The following RBFOX1 variants were observed in gnomAD, a reference collection of about 807,000 sequenced individuals.
RBFOX1 encodes RNA binding fox-1 homolog 1.
In RBFOX1, 8 loss-of-function variants were observed where a neutral mutation model predicts 57.7. The observed-to-expected ratio is 0.14, with a 90% CI of 0.08 to 0.25. RBFOX1 has a LOEUF of 0.25. RBFOX1 is among the 10% of genes least tolerant of loss of function. The pLI is 1.00. For missense variants in RBFOX1, 611 were observed against 548.5 expected (o/e 1.11, Z -1.14); for synonymous variants, 326 against 222.4 (o/e 1.47, Z -4.15).
chr16:6,543,397 C>T (rs990096753), intron 2 of RBFOX1, among the ~76,000 whole-genome samples: 13 of 152,122 alleles, frequency 8.5e-5, no homozygotes, highest in Non-Finnish European at 4.4e-5. Flanking sequence ...TCCACTGAGA[C>T]TCTGCGCACC....
intron 4 of RBFOX1, among the ~76,000 whole-genome samples, chr16:7,291,241 G>A (rs1358034074): frequency 6.6e-6 from 1 of 152,078 alleles, no homozygotes; most frequent in Non-Finnish European, 1.5e-5. Flanking sequence ...CAGCTGAAGG[G>A]GTCATTGATG....
intron 3 of RBFOX1, among the ~76,000 whole-genome samples, chr16:5,831,115 T>C (rs1016722199): frequency 6.6e-6 from 1 of 152,220 alleles, no homozygotes; most frequent in African/African-American, 2.4e-5. Context: ...AGGCATTTGA[T>C]GTGGTTTGGA....
At position 5,904,344 on chromosome 16, in the gene RBFOX1, G is replaced by T. The variant is rs190985164; in HGVS notation, c.351+37009G>T. On this transcript the variant is annotated intron_variant, in intron 4 of 19. Coordinates refer to the RBFOX1 transcript ENST00000641259. ...AAGCTTCCCCTCGACTTTGATGCCT[G>T]CTCCCAGCAGAGGCTGCTCCATCAC... Among the ~76,000 whole-genome samples the T allele has an allele frequency of 3.9e-5, 6 of 152,228 alleles. No homozygotes were observed. In the East Asian group the frequency reaches 1.2e-3, roughly 30 times the overall value.
chr16:6,897,722 G>A (rs1392132000), intron 3 of RBFOX1, among the ~76,000 whole-genome samples: 1 of 152,134 alleles, frequency 6.6e-6, no homozygotes, highest in South Asian at 2.1e-4. Context: ...GAACCCGGGA[G>A]GCAGAGGTTG....
intron 3 of RBFOX1, among the ~76,000 whole-genome samples, chr16:6,702,970 C>G (rs2062088361): frequency 6.6e-6 from 1 of 152,194 alleles, no homozygotes; most frequent in Non-Finnish European, 1.5e-5. Flanking sequence ...TGCTTTCTGT[C>G]CCTATGGATT....
chr16:7,630,725 TC>T, intron 11 of RBFOX1, 42 bp downstream of exon 11: 8 of 1,612,138 alleles, frequency 5.0e-6, no homozygotes, highest in Non-Finnish European at 6.8e-6. Context: ...GTGACATAAA[TC>T]TGAGTCCAAT....
intron 3 of RBFOX1, among the ~76,000 whole-genome samples, chr16:6,824,255 AT>A (rs1472382123): frequency 1.3e-5 from 2 of 152,188 alleles, no homozygotes; most frequent in African/African-American, 4.8e-5. Context: ...AAATACAAAA[AT>A]TAGCCAGATG....
At chr16:6,384,843 C>T (rs1200082470) in intron 2 of RBFOX1, among the ~76,000 whole-genome samples, 1 of 152,304 alleles carries the variant, frequency 6.6e-6, no homozygotes, top group South Asian at 2.1e-4. Flanking sequence ...AGCCTGTGAT[C>T]TGGGAGGTTT....
At chr16:7,481,132 T>C (rs1206261760) in intron 4 of RBFOX1, among the ~76,000 whole-genome samples, 4 of 152,116 alleles carry the variant, frequency 2.6e-5, no homozygotes, top group African/African-American at 9.7e-5. Context: ...TTTCATTTGT[T>C]CAATGAGGAT....
chr16:7,025,265 G>T (rs2040546333), intron 3 of RBFOX1, among the ~76,000 whole-genome samples: 1 of 152,108 alleles, frequency 6.6e-6, no homozygotes, highest in East Asian at 1.9e-4. Flanking sequence ...ATGTTGCCAT[G>T]GTGTTTGGAA....
chr16:5,782,389 C>T (rs780227814), intron 3 of RBFOX1, among the ~76,000 whole-genome samples: 7 of 152,202 alleles, frequency 4.6e-5, no homozygotes, highest in Admixed American at 2.0e-4. Context: ...TACACTCTCT[C>T]AGTCAAGCTC....
chr16:5,480,880 A>T (rs1027117767), intron 2 of RBFOX1, among the ~76,000 whole-genome samples: 11 of 152,238 alleles, frequency 7.2e-5, no homozygotes, highest in African/African-American at 2.7e-4. Context: ...CTTAGAAGCA[A>T]TATTTCACTG....
intron 3 of RBFOX1, among the ~76,000 whole-genome samples, chr16:6,846,163 C>T (rs150705012): frequency 1.6e-3 from 242 of 152,284 alleles, no homozygotes; most frequent in Non-Finnish European, 2.6e-3. Flanking sequence ...GCTGCTTACA[C>T]GGTGGCCCAT....
intron 1 of RBFOX1, among the ~76,000 whole-genome samples, chr16:5,297,094 T>G (rs922007318): frequency 2.6e-5 from 4 of 152,208 alleles, no homozygotes; most frequent in Non-Finnish European, 5.9e-5. Flanking sequence ...AATGACAGGA[T>G]TTTCTTCTTT....
intron 1 of RBFOX1, among the ~76,000 whole-genome samples, chr16:6,063,338 G>A (rs1426798676): frequency 6.6e-6 from 1 of 152,048 alleles, no homozygotes; most frequent in African/African-American, 2.4e-5. Flanking sequence ...GGGGAACAGG[G>A]AAATCAATAT....
chr16:6,953,772 T>C (rs1228175321), intron 3 of RBFOX1, among the ~76,000 whole-genome samples: 1 of 152,190 alleles, frequency 6.6e-6, no homozygotes. Flanking sequence ...TTCATAGGCT[T>C]GTCTTTGAAT....
intron 3 of RBFOX1, among the ~76,000 whole-genome samples, chr16:5,619,294 G>A (rs1596478133): frequency 3.3e-5 from 5 of 152,224 alleles, no homozygotes; most frequent in Admixed American, 3.3e-4. Flanking sequence ...CATCATTATG[G>A]AACTCTGACC....
At chr16:6,652,915 T>C (rs2098608265) in intron 2 of RBFOX1, among the ~76,000 whole-genome samples, 1 of 152,252 alleles carries the variant, frequency 6.6e-6, no homozygotes, top group African/African-American at 2.4e-5. Flanking sequence ...TATTGTATTT[T>C]ATCACAATAA....
chr16:5,653,194 G>C (rs947621031), intron 3 of RBFOX1, among the ~76,000 whole-genome samples: 2 of 152,104 alleles, frequency 1.3e-5, no homozygotes, highest in African/African-American at 4.8e-5. Flanking sequence ...TTGTGCGGAA[G>C]GTGGGGTGCT....
Sources: allele counts gnomAD v4.1 joint callset (sites outside exome capture counted in the v4.1 genomes callset), GRCh38; gene constraint gnomAD v4.1.1; transcripts MANE v1.5; gene names NCBI Gene and HGNC (gene_info 2026-07-23, HGNC 2026-07-21).